Variants in BTNL2 observed in about 807,000 individuals in gnomAD.
The protein encoded by BTNL2 is butyrophilin-like protein 2.
BTNL2 carries 46 observed loss-of-function variants against 46.8 expected under a neutral mutation model. That is an observed-to-expected ratio of 0.98 (90% CI 0.78 to 1.26). The LOEUF (loss-of-function observed/expected upper bound fraction) is 1.26. Ranked by LOEUF, BTNL2 falls within the 50% of genes most tolerant of loss-of-function variation. The probability of loss-of-function intolerance (pLI) is 0.00; values close to 1 mark genes in which losing one functional copy is unlikely to be tolerated. For synonymous variants in BTNL2, 226 were observed against 229.1 expected (o/e 0.99, Z 0.12); for missense variants, 461 against 592.6 (o/e 0.78, Z 2.31).
In BTNL2 at chr6:32,394,616, A is replaced by AT; in HGVS notation, c.1360+127dup. The AT allele has an allele frequency of 8.9e-7, 1 of 1,125,320 alleles. No homozygotes were observed. Among genetic ancestry groups the AT allele is most frequent in the South Asian group, 1.6e-5 (1 of 61,664 alleles). 69.7% of individuals were successfully genotyped at this position (1,125,320 alleles called of 1,614,324 possible). The stretch of plus-strand genomic sequence containing the variant: ...GTCCTGAAAACCAGCTTTGCAGAGG[A>AT]TAGCAGGAGACCTCGTCAGAGATCA... On this transcript the variant is annotated intron_variant, in intron 6 of 7. Coordinates refer to ENST00000454136, the MANE Select transcript of BTNL2 (RefSeq NM_001304561.2). This position sits in a 1 kb window ranked among gnomAD's most constrained non-coding sequence, Gnocchi z 4.6.
chr6:32,400,537 C>A (rs3817962), intron 4 of BTNL2, among the ~76,000 whole-genome samples: 36,943 of 151,754 alleles, frequency 0.24, 4,687 homozygotes, highest in Admixed American at 0.3. Context: ...AGGGGCTCAG[C>A]CATCGGCTGG....
In BTNL2 at chr6:32,403,102, C is replaced by T. The variant is rs28362681; in HGVS notation, c.542G>A (p.Arg181Gln). The change falls in exon 3 of 8, where the codon CGG becomes CAG. Residue 181 changes from arginine (R) to glutamine (Q), a missense_variant. Coordinates refer to ENST00000454136, the MANE Select transcript of BTNL2 (RefSeq NM_001304561.2). ...PEPQVYWEDI[R>Q]GEKLLAVSEH... ...AGACACGGCCAGCAGCTTCTCTCCCCGGATGTCTTCCCAATACACCTGGGG... is the reference window on the plus strand; with the variant it reads ...AGACACGGCCAGCAGCTTCTCTCCCTGGATGTCTTCCCAATACACCTGGGG... The T allele has an allele frequency of 0.082, 132,061 of 1,612,212 alleles. 7,028 individuals are homozygous for T. The highest frequency in any genetic ancestry group is 0.19 in the East Asian group (8,542 of 44,830).
At chr6:32,403,494 C>T (rs1776922268) in intron 2 of BTNL2, among the ~76,000 whole-genome samples, 1 of 152,208 alleles carries the variant, frequency 6.6e-6, no homozygotes, top group Non-Finnish European at 1.5e-5. Context: ...TGCAACGCCT[C>T]TAGCACTGCA....
Position 32,399,156 on chromosome 6 carries a change from CT to C in BTNL2, c.730+2628del, listed in dbSNP as rs1420324493. ...ATGTGTTCTCACCAATCAGCTCCCC[CT>C]TATAAGTGTGAACATGCAGTAGTTA... is the stretch of plus-strand genomic sequence containing the variant. On this transcript the variant is annotated intron_variant, in intron 4 of 7. Transcript: ENST00000454136. The surrounding 1 kb of genome is among the most constrained non-coding windows in gnomAD (Gnocchi z 5.2). 6.6e-6 allele frequency among the ~76,000 whole-genome samples: 1 copy of C among 152,220 alleles called. No homozygotes were observed. The highest frequency in any genetic ancestry group is 1.9e-4 in the East Asian group (1 of 5,202).
rs2076531 is a variant in BTNL2 at position 32,395,935 on chromosome 6, A to T, written c.1078+104T>A. On this transcript the variant is annotated intron_variant, in intron 5 of 7. Coordinates refer to ENST00000454136, the MANE Select transcript of BTNL2 (RefSeq NM_001304561.2). ...ATTTGATATAAATTTGATGATGAAT[A>T]AGCATTAAGAAAATTTCAAATGTCA... 16 of 898,084 alleles carry T rather than the reference A, an allele frequency of 1.8e-5. No individual in the cohort carries two copies. The African/African-American group carries it at 2.7e-4, about 15-fold the overall frequency. 55.6% of individuals were successfully genotyped at this position (898,084 alleles called of 1,614,324 possible).
chr6:32,397,777 G>A (rs764001582), intron 4 of BTNL2, among the ~76,000 whole-genome samples: 2 of 152,170 alleles, frequency 1.3e-5, no homozygotes, highest in African/African-American at 4.8e-5. Context: ...ACCCTCTGAC[G>A]TGGTAATAGG....
At position 32,394,788 on chromosome 6, in the gene BTNL2, A is replaced by T; in HGVS notation, c.1316T>A (p.Ile439Asn). The change falls in exon 6 of 8, where the codon ATC becomes AAC. Residue 439 changes from isoleucine to asparagine, a missense_variant. By Grantham distance (149) the Ile-to-Asn change is moderately radical (BLOSUM62 -3). Coordinates refer to ENST00000454136, the MANE Select transcript of BTNL2 (RefSeq NM_001304561.2). The surrounding 1 kb of genome is among the most constrained non-coding windows in gnomAD (Gnocchi z 4.6). ...GATTTTCTCCTCGCCCAAAAAGGGGATGCTGATGGAACAAGTGACGTCCAC... is the reference window on the plus strand; with the variant it reads ...GATTTTCTCCTCGCCCAAAAAGGGGTTGCTGATGGAACAAGTGACGTCCAC... Reference protein sequence around the residue: ...SAVDVTCSISIPFLGEEKIAT... With the variant: ...SAVDVTCSISNPFLGEEKIAT... The T allele has an allele frequency of 6.2e-7, 1 of 1,614,060 alleles. No individual in the cohort carries two copies. Among genetic ancestry groups the T allele is most frequent in the East Asian group, 2.2e-5 (1 of 44,886 alleles).
Position 32,399,624 on chromosome 6 carries a change from CT to C in BTNL2, c.730+2160del, listed in dbSNP as rs1297165541. 6.6e-6 allele frequency among the ~76,000 whole-genome samples: 1 copy of C among 152,076 alleles called. No homozygotes were observed. The highest frequency in any genetic ancestry group is 1.5e-5 in the Non-Finnish European group (1 of 68,026). On this transcript the variant is annotated intron_variant, in intron 4 of 7. Coordinates refer to ENST00000454136, the MANE Select transcript of BTNL2 (RefSeq NM_001304561.2). The surrounding 1 kb of genome is among the most constrained non-coding windows in gnomAD (Gnocchi z 5.2). Reference sequence around the variant, plus strand: ...AGAAGGTAAACATCACCATTTCTTCCTGATTTTTGGCAAACCATGTATGTCT... The same window carrying C: ...AGAAGGTAAACATCACCATTTCTTCCGATTTTTGGCAAACCATGTATGTCT...
At position 32,394,144 on chromosome 6, in the gene BTNL2, G is replaced by A. The variant is rs998375301; in HGVS notation, c.1361-87C>T. Reference sequence around the variant, plus strand: ...TTTTCATCTGAGCAGCTTCTAGGCTGGAGAGAAGGGAGAGAATTTGGCCTC... The same window carrying A: ...TTTTCATCTGAGCAGCTTCTAGGCTAGAGAGAAGGGAGAGAATTTGGCCTC... On this transcript the variant is annotated intron_variant, in intron 6 of 7. Transcript: ENST00000454136. The surrounding 1 kb of genome is among the most constrained non-coding windows in gnomAD (Gnocchi z 4.6). The A allele has an allele frequency of 1.3e-6, 2 of 1,494,994 alleles. No homozygotes were observed. The highest frequency in any genetic ancestry group is 1.8e-6 in the Non-Finnish European group (2 of 1,118,042). 92.6% of individuals were successfully genotyped at this position (1,494,994 alleles called of 1,614,324 possible). A position where few individuals can be genotyped will look rare whatever the true frequency, so the allele number is the denominator to read the frequency against.
At position 32,403,156 on chromosome 6, in the gene BTNL2, A is replaced by G. The variant is rs1413968158; in HGVS notation, c.488T>C (p.Val163Ala). The change falls in exon 3 of 8, where the codon GTG becomes GCG. Residue 163 changes from valine to alanine, a missense_variant. By Grantham distance (64) the Val-to-Ala change is moderately conservative (BLOSUM62 0). Coordinates refer to ENST00000454136, the MANE Select transcript of BTNL2 (RefSeq NM_001304561.2). The stretch of plus-strand genomic sequence containing the variant: ...TGGGAACCAGCCCCTTGCAGTGCAC[A>G]CAAGCTGGACTCCACTCTCCCCAGG... ...EGPGESGVQL[V>A]CTARGWFPEP... The G allele has an allele frequency of 6.2e-7, 1 of 1,612,414 alleles. No homozygotes were observed. Among genetic ancestry groups the G allele is most frequent in the Non-Finnish European group, 8.5e-7 (1 of 1,179,814 alleles).
chr6:32,394,932 T>G lies in BTNL2; in HGVS notation c.1172A>C (p.His391Pro), dbSNP rs905863309. Residue 391 changes from histidine to proline, a missense_variant, in exon 6 of 8, where the codon CAC becomes CCC. By Grantham distance (77) the His-to-Pro change is moderately conservative. Transcript: ENST00000454136. This position sits in a 1 kb window ranked among gnomAD's most constrained non-coding sequence, Gnocchi z 4.6. ...CSSDGWFPQP[H>P]VPWRDMEGKT... ...TCCTTCCATGTCCCTCCATGGCACGTGGGGCTGTGGGAACCACCCATCTGA... is the reference window on the plus strand; with the variant it reads ...TCCTTCCATGTCCCTCCATGGCACGGGGGGCTGTGGGAACCACCCATCTGA... 6.2e-7 allele frequency: 1 copy of G among 1,614,032 alleles called. No homozygotes were observed. Among genetic ancestry groups the G allele is most frequent in the Non-Finnish European group, 8.5e-7 (1 of 1,180,014 alleles).
intron 1 of BTNL2, 36 bp downstream of exon 1, chr6:32,407,009 A>AT (rs1777196818): frequency 1.3e-6 from 2 of 1,594,816 alleles, no homozygotes; most frequent in African/African-American, 1.3e-5. Flanking sequence ...TCACTGGGAC[A>AT]TTAGACTATA....
rs762512908 is a variant in BTNL2 at position 32,407,073 on chromosome 6, T to G, written c.51A>C (p.Leu17=). 16 of 1,612,920 alleles carry G rather than the reference T, an allele frequency of 9.9e-6. No homozygotes were observed. The highest frequency in any genetic ancestry group is 1.4e-5 in the Non-Finnish European group (16 of 1,179,980). The change falls in exon 1 of 8, where the codon CTA becomes CTC. Residue 17 remains leucine (L), a synonymous_variant. Coordinates refer to ENST00000454136, the MANE Select transcript of BTNL2 (RefSeq NM_001304561.2). ...ACTGCTTCATTGTCAGCAGGATGAA[T>G]AGGAAGGAGGCGACTGCACCAGACA... ...YNLSGAVASF[L]FILLTMKQSE...
In BTNL2 at chr6:32,394,655, AC is replaced by A; in HGVS notation, c.1360+88del. The A allele has an allele frequency of 6.9e-7, 1 of 1,440,930 alleles. No individual in the cohort carries two copies. Among genetic ancestry groups the A allele is most frequent in the Non-Finnish European group, 9.4e-7 (1 of 1,059,726 alleles). The allele number at this position is 1,440,930 out of a possible 1,614,324, so 89.3% of individuals were successfully genotyped here. ...CGTCAGAGATCAGCAAATAAAAATCACAAAGGAAGAAGAGCAATACAATGAG... is the reference window on the plus strand; with the variant it reads ...CGTCAGAGATCAGCAAATAAAAATCAAAAGGAAGAAGAGCAATACAATGAG... On this transcript the variant is annotated intron_variant, in intron 6 of 7. Coordinates refer to ENST00000454136, the MANE Select transcript of BTNL2 (RefSeq NM_001304561.2). This position sits in a 1 kb window ranked among gnomAD's most constrained non-coding sequence, Gnocchi z 4.6.
At chr6:32,404,819 G>A (rs1183570289) in intron 2 of BTNL2, 120 bp downstream of exon 2, 1 of 935,354 alleles carries the variant, frequency 1.1e-6, no homozygotes, top group Non-Finnish European at 1.7e-6. Context: ...TCAGGGTAGA[G>A]GACTAAGCAT....
Position 32,393,852 on chromosome 6 carries a change from G to T in BTNL2, c.*6+111C>A. ...GTTTCTCATGTTTCCTTAGTTACTG[G>T]ATATTCACTGACTGCCTCCCATAGG... On this transcript the variant is annotated intron_variant, in intron 7 of 7. Coordinates refer to ENST00000454136, the MANE Select transcript of BTNL2 (RefSeq NM_001304561.2). The surrounding 1 kb of genome is among the most constrained non-coding windows in gnomAD (Gnocchi z 4.8). 7.1e-7 allele frequency: 1 copy of T among 1,401,484 alleles called. No homozygotes were observed. The highest frequency in any genetic ancestry group is 9.5e-7 in the Non-Finnish European group (1 of 1,055,862). 86.8% of individuals were successfully genotyped at this position (1,401,484 alleles called of 1,614,324 possible). A position where few individuals can be genotyped will look rare whatever the true frequency, so the allele number is the denominator to read the frequency against.
At chr6:32,405,818 G>GTTTTTTTTTTGT (rs1562261214) in intron 1 of BTNL2, among the ~76,000 whole-genome samples, 3 of 128,024 alleles carry the variant, frequency 2.3e-5, no homozygotes, top group Non-Finnish European at 3.3e-5. Context: ...TTTTTTTTTT[G>GTTTTTTTTTTGT]TTTTTTTTTT....
chr6:32,401,697 G>A (rs961755548), intron 4 of BTNL2, 88 bp downstream of exon 4: 5 of 1,302,354 alleles, frequency 3.8e-6, no homozygotes, highest in African/African-American at 3.0e-5. Context: ...TTTTCCTCTG[G>A]GTCACATGGT....
chr6:32,403,153 C>A lies in BTNL2; in HGVS notation c.491G>T (p.Cys164Phe). 6 of 1,612,694 alleles carry A rather than the reference C, an allele frequency of 3.7e-6. No individual in the cohort carries two copies. The highest frequency in any genetic ancestry group is 5.1e-6 in the Non-Finnish European group (6 of 1,179,862). The change falls in exon 3 of 8, where the codon TGC (cysteine) becomes TTC (phenylalanine). Residue 164 changes from cysteine (C) to phenylalanine (F), a missense_variant. By Grantham distance (205) the Cys-to-Phe change is radical. Transcript: ENST00000454136. ...GPGESGVQLV[C>F]TARGWFPEPQ... ...CTCTGGGAACCAGCCCCTTGCAGTG[C>A]ACACAAGCTGGACTCCACTCTCCCC...
Sources: allele counts gnomAD v4.1 joint callset (sites outside exome capture counted in the v4.1 genomes callset), GRCh38; gene constraint gnomAD v4.1.1; non-coding constraint Gnocchi (gnomAD v3.1); transcripts MANE v1.5; gene names NCBI Gene and HGNC (gene_info 2026-07-23, HGNC 2026-07-21).